Variants in PDE10A observed in about 807,000 individuals in gnomAD.
The protein encoded by PDE10A is cAMP and cAMP-inhibited cGMP 3',5'-cyclic phosphodiesterase 10A.
In PDE10A, 39 loss-of-function variants were observed where a neutral mutation model predicts 97.7. That is an observed-to-expected ratio of 0.40 (90% CI 0.31 to 0.52). PDE10A has a LOEUF of 0.52. PDE10A is among the 20% of genes least tolerant of loss of function. PDE10A has a pLI of 0.56. For synonymous variants in PDE10A, 371 were observed against 376.8 expected (o/e 0.98, Z 0.18); for missense variants, 731 against 1,047.8 (o/e 0.70, Z 4.17).
intron 1 of PDE10A, among the ~76,000 whole-genome samples, chr6:165,759,734 G>C (rs909283441): frequency 1.3e-5 from 2 of 152,196 alleles, no homozygotes; most frequent in African/African-American, 4.8e-5. Context: ...CTAAAGGTGA[G>C]CTAATCCAAC....
intron 1 of PDE10A, among the ~76,000 whole-genome samples, chr6:165,825,238 C>T (rs1779700872): frequency 6.6e-6 from 1 of 151,972 alleles, no homozygotes; most frequent in African/African-American, 2.4e-5. Flanking sequence ...GTGAGCAGGG[C>T]TCTGCCTTGC....
At chr6:165,950,862 T>C (rs1783933418) in intron 1 of PDE10A, among the ~76,000 whole-genome samples, 1 of 152,204 alleles carries the variant, frequency 6.6e-6, no homozygotes, top group Non-Finnish European at 1.5e-5. Context: ...GAAAAATTAA[T>C]AAAGTAATGT....
intron 1 of PDE10A, among the ~76,000 whole-genome samples, chr6:165,886,248 A>C (rs9459519): frequency 0.25 from 37,401 of 148,862 alleles, 5,380 homozygotes; most frequent in African/African-American, 0.4. Context: ...AGCCCTGCAG[A>C]CCTGGAGTCC....
At chr6:165,644,714 T>C (rs1789304504) in intron 1 of PDE10A, among the ~76,000 whole-genome samples, 1 of 152,178 alleles carries the variant, frequency 6.6e-6, no homozygotes, top group African/African-American at 2.4e-5. Flanking sequence ...AACCCCCGTA[T>C]GAAATGACTG....
At chr6:165,569,918 T>G (rs533788813) in intron 1 of PDE10A, among the ~76,000 whole-genome samples, 2 of 152,174 alleles carry the variant, frequency 1.3e-5, no homozygotes, top group African/African-American at 4.8e-5. Context: ...GGAAAAACTT[T>G]CCAATGTAAA....
chr6:165,585,778 G>A (rs1785874912), intron 1 of PDE10A, among the ~76,000 whole-genome samples: 1 of 152,156 alleles, frequency 6.6e-6, no homozygotes, highest in Admixed American at 6.5e-5. Context: ...AACTAATATA[G>A]GTGCTTAACA....
chr6:165,865,419 A>G (rs565460300), intron 1 of PDE10A, among the ~76,000 whole-genome samples: 1 of 152,350 alleles, frequency 6.6e-6, no homozygotes, highest in African/African-American at 2.4e-5. Flanking sequence ...ACCAAGGAAC[A>G]TAATAATTCT....
At chr6:165,653,312 T>C (rs1789775012) in intron 1 of PDE10A, among the ~76,000 whole-genome samples, 1 of 152,146 alleles carries the variant, frequency 6.6e-6, no homozygotes. Context: ...CTTTGGCTAA[T>C]GGGAGACAAA....
At chr6:165,382,350 T>A (rs145066545) in intron 17 of PDE10A, among the ~76,000 whole-genome samples, 165 of 152,260 alleles carry the variant, frequency 1.1e-3, no homozygotes, top group African/African-American at 3.9e-3. Context: ...TGGAAAAAAA[T>A]GTCAACGATG....
intron 1 of PDE10A, among the ~76,000 whole-genome samples, chr6:165,907,578 C>T (rs1487305117): frequency 1.3e-5 from 2 of 152,244 alleles, no homozygotes; most frequent in Non-Finnish European, 2.9e-5. Flanking sequence ...GCTTCCTTTC[C>T]CCCTCATCAT....
At chr6:165,792,376 C>T (rs530790654) in intron 1 of PDE10A, among the ~76,000 whole-genome samples, 11 of 152,300 alleles carry the variant, frequency 7.2e-5, no homozygotes, top group East Asian at 1.9e-4. Flanking sequence ...TCAGCGTCAA[C>T]GCCACCGCCC....
At chr6:165,798,208 T>C (rs1486727436) in intron 1 of PDE10A, among the ~76,000 whole-genome samples, 1 of 152,218 alleles carries the variant, frequency 6.6e-6, no homozygotes, top group Non-Finnish European at 1.5e-5. Flanking sequence ...CAATTGTAAA[T>C]ACATACGAAA....
At chr6:165,740,310 GAGAGAA>G (rs1375504332) in intron 1 of PDE10A, among the ~76,000 whole-genome samples, 5 of 115,782 alleles carry the variant, frequency 4.3e-5, no homozygotes, top group African/African-American at 1.9e-4. Flanking sequence ...TATATATATG[GAGAGAA>G]AGAGAGAGAG....
At chr6:165,673,803 T>C (rs898521162) in intron 1 of PDE10A, among the ~76,000 whole-genome samples, 8 of 152,208 alleles carry the variant, frequency 5.3e-5, no homozygotes, top group Admixed American at 5.2e-4. Context: ...AATATTCCTT[T>C]CTTATATGTT....
intron 1 of PDE10A, among the ~76,000 whole-genome samples, chr6:165,918,623 T>A (rs542348235): frequency 1.3e-5 from 2 of 152,398 alleles, no homozygotes; most frequent in African/African-American, 4.8e-5. Flanking sequence ...ATTGCCATTT[T>A]GTATATGTGC....
At chr6:165,900,738 T>G (rs779647966) in intron 1 of PDE10A, among the ~76,000 whole-genome samples, 2 of 152,200 alleles carry the variant, frequency 1.3e-5, no homozygotes, top group African/African-American at 2.4e-5. Flanking sequence ...ACTTCCCCCT[T>G]CTAGGCTCCA....
chr6:165,850,324 G>T (rs1411486409), intron 1 of PDE10A, among the ~76,000 whole-genome samples: 1 of 152,196 alleles, frequency 6.6e-6, no homozygotes, highest in Non-Finnish European at 1.5e-5. Context: ...TTTATGCAAA[G>T]ATTTTTGACC....
In PDE10A at chr6:165,819,706, G is replaced by A. The variant is rs895988664; in HGVS notation, c.-615+167823C>T. On this transcript the variant is annotated intron_variant, in intron 1 of 19. Transcript: ENST00000366882. This position sits in a 1 kb window ranked among gnomAD's most constrained non-coding sequence, Gnocchi z 4.2. ...CTGGATTTCACTGACTGTGCACCAC[G>A]TACTCCTCACCCGCCCTCCCGCTGT... 1.3e-5 allele frequency among the ~76,000 whole-genome samples: 2 copies of A among 152,140 alleles called. No individual in the cohort carries two copies. Among genetic ancestry groups the A allele is most frequent in the Admixed American group, 1.3e-4 (2 of 15,276 alleles).
chr6:165,630,516 A>C (rs755615669), intron 1 of PDE10A, among the ~76,000 whole-genome samples: 14 of 152,182 alleles, frequency 9.2e-5, no homozygotes, highest in Non-Finnish European at 1.5e-4. Flanking sequence ...GATTTTAGAA[A>C]TCCCATACCA....
Sources: allele counts gnomAD v4.1 joint callset (sites outside exome capture counted in the v4.1 genomes callset), GRCh38; gene constraint gnomAD v4.1.1; non-coding constraint Gnocchi (gnomAD v3.1); transcripts MANE v1.5; gene names NCBI Gene and HGNC (gene_info 2026-07-23, HGNC 2026-07-21).